The following GLIS3 variants were observed in gnomAD, a reference collection of about 807,000 sequenced individuals.
GLIS3 encodes zinc finger protein GLIS3.
GLIS3 carries 53 observed loss-of-function variants against 78.6 expected under a neutral mutation model. The observed-to-expected ratio is 0.67, with a 90% CI of 0.54 to 0.85. The LOEUF (loss-of-function observed/expected upper bound fraction) is 0.85, where lower values mean the gene tolerates loss of function less well. Among genes scored for constraint, GLIS3 ranks in the 40% least tolerant of loss-of-function variants. GLIS3 has a pLI of 0.00. For synonymous variants in GLIS3, 684 were observed against 509.9 expected (o/e 1.34, Z -4.60); for missense variants, 1,703 against 1,231.1 (o/e 1.38, Z -5.74).
chr9:3,862,576 T>C (rs1219312144), intron 8 of GLIS3, among the ~76,000 whole-genome samples: 3 of 152,230 alleles, frequency 2.0e-5, no homozygotes, highest in African/African-American at 7.2e-5. Context: ...AAGCATGTCA[T>C]AAATATTTCT....
chr9:3,856,880 G>A (rs1819830107), intron 8 of GLIS3, among the ~76,000 whole-genome samples: 2 of 152,228 alleles, frequency 1.3e-5, no homozygotes, highest in South Asian at 2.1e-4. Flanking sequence ...TTCTGGGGTG[G>A]GGGACATGTT....
chr9:3,868,449 G>A (rs954009839), intron 8 of GLIS3, among the ~76,000 whole-genome samples: 1 of 152,030 alleles, frequency 6.6e-6, no homozygotes, highest in African/African-American at 2.4e-5. Context: ...AATTGCTTAG[G>A]GACAAAACTG....
At position 4,279,294 on chromosome 9, in the gene GLIS3, T is replaced by A. The variant is rs1453511079; in HGVS notation, c.388+6744A>T. Among the ~76,000 whole-genome samples the A allele has an allele frequency of 4.3e-4, 7 of 16,420 alleles. No individual in the cohort carries two copies. The Admixed American group carries it at 9.7e-3, about 23-fold the overall frequency. 10.8% of individuals were successfully genotyped at this position (16,420 alleles called of 152,430 possible). On this transcript the variant is annotated intron_variant, in intron 2 of 10. Transcript: ENST00000381971. ...GCCTGGGCAACAGAGCAAGACTCCA[T>A]CTCAAAAAAAAAAAAAAAAAATATA...
At chr9:4,234,762 AT>A (rs1822562501) in intron 2 of GLIS3, among the ~76,000 whole-genome samples, 1 of 152,216 alleles carries the variant, frequency 6.6e-6, no homozygotes, top group Non-Finnish European at 1.5e-5. Flanking sequence ...GCAAAATAAA[AT>A]GAGGTATGCT....
chr9:4,088,594 C>G (rs957260994), intron 4 of GLIS3, among the ~76,000 whole-genome samples: 2 of 152,156 alleles, frequency 1.3e-5, no homozygotes, highest in African/African-American at 4.8e-5. Context: ...TGGCTAATCC[C>G]CATTGTAGAT....
intron 3 of GLIS3, among the ~76,000 whole-genome samples, chr9:4,124,769 T>A (rs1832445749): frequency 6.6e-6 from 1 of 152,160 alleles, no homozygotes; most frequent in Admixed American, 6.5e-5. Flanking sequence ...ACCTCAGAAC[T>A]GCAAGGCACA....
At chr9:4,448,428 G>C in the GLIS3 span, among the ~76,000 whole-genome samples, 12 of 152,346 alleles carry the variant, frequency 7.9e-5, no homozygotes, top group Admixed American at 5.9e-4. Context: ...TGATGGCAGA[G>C]AAGTTGAGCC....
intron 2 of GLIS3, among the ~76,000 whole-genome samples, chr9:4,275,239 T>C (rs536316601): frequency 8.7e-4 from 133 of 152,290 alleles, no homozygotes; most frequent in African/African-American, 3.0e-3. Context: ...GGGCCAACTG[T>C]TGAAAAAAGT....
intron 4 of GLIS3, among the ~76,000 whole-genome samples, chr9:4,062,210 C>T (rs1161975480): frequency 6.6e-6 from 1 of 152,230 alleles, no homozygotes; most frequent in Non-Finnish European, 1.5e-5. Flanking sequence ...TACATTACCC[C>T]TGTGCCTTAG....
At chr9:4,423,530 G>A in the GLIS3 span, among the ~76,000 whole-genome samples, 3 of 151,974 alleles carry the variant, frequency 2.0e-5, no homozygotes, top group African/African-American at 7.3e-5. Flanking sequence ...CAGCCTACAG[G>A]ACATCACTTA....
At chr9:4,253,173 G>GCTCTTAAAC (rs1563836543) in intron 2 of GLIS3, among the ~76,000 whole-genome samples, 1 of 152,210 alleles carries the variant, frequency 6.6e-6, no homozygotes, top group Non-Finnish European at 1.5e-5. Flanking sequence ...CTTCAGAGCC[G>GCTCTTAAAC]GCAGGCAGGA....
intron 4 of GLIS3, among the ~76,000 whole-genome samples, chr9:4,114,476 A>G (rs552656): frequency 0.77 from 116,654 of 152,060 alleles, 44,854 homozygotes; most frequent in East Asian, 0.85. Context: ...ACCATCTCAG[A>G]AAAACTTAAT....
At chr9:4,162,350 G>A (rs1285094508) in intron 2 of GLIS3, among the ~76,000 whole-genome samples, 1 of 152,040 alleles carries the variant, frequency 6.6e-6, no homozygotes, top group Non-Finnish European at 1.5e-5. Context: ...GTTCCAGGTG[G>A]GCATTAATTT....
Position 4,078,083 on chromosome 9 carries a change from C to A in GLIS3, c.1710+39685G>T, listed in dbSNP as rs145476738. 6.9e-3 allele frequency among the ~76,000 whole-genome samples: 1,056 copies of A among 152,172 alleles called. 7 individuals are homozygous for A. Among genetic ancestry groups the A allele is most frequent in the Middle Eastern group, 0.031 (9 of 294 alleles). On this transcript the variant is annotated intron_variant, in intron 4 of 10. Transcript: ENST00000381971. Reference sequence around the variant, plus strand: ...TTCATTGGACCCTGAATGATATGGTCCCCCATTGCTGGAGCTAAGTAAATT... The same window carrying A: ...TTCATTGGACCCTGAATGATATGGTACCCCATTGCTGGAGCTAAGTAAATT...
chr9:4,141,590 C>A (rs1467222811), intron 2 of GLIS3, among the ~76,000 whole-genome samples: 1 of 152,182 alleles, frequency 6.6e-6, no homozygotes, highest in Non-Finnish European at 1.5e-5. Flanking sequence ...TTAAATTTCC[C>A]ACTAATGAGT....
the GLIS3 span, among the ~76,000 whole-genome samples, chr9:4,365,410 A>G: frequency 0.023 from 3,536 of 152,096 alleles, 148 homozygotes; most frequent in African/African-American, 0.082. Flanking sequence ...ATAAAAAATT[A>G]GCCTGGCATG....
At chr9:4,097,575 A>G (rs750221889) in intron 4 of GLIS3, among the ~76,000 whole-genome samples, 28 of 152,188 alleles carry the variant, frequency 1.8e-4, no homozygotes, top group Non-Finnish European at 3.5e-4. Context: ...TTTATGGGTA[A>G]TTCAATGCAA....
chr9:4,407,507 C>T, the GLIS3 span, among the ~76,000 whole-genome samples: 34 of 152,062 alleles, frequency 2.2e-4, no homozygotes, highest in Non-Finnish European at 4.6e-4. Flanking sequence ...ATTAGCCGGG[C>T]GTGGTGGCGG....
the GLIS3 span, among the ~76,000 whole-genome samples, chr9:4,369,261 T>A: frequency 3.3e-5 from 5 of 152,118 alleles, no homozygotes; most frequent in African/African-American, 1.2e-4. Flanking sequence ...GTTTTAAGAA[T>A]CCCAGGAAGG....
Sources: allele counts gnomAD v4.1 joint callset (sites outside exome capture counted in the v4.1 genomes callset), GRCh38; gene constraint gnomAD v4.1.1; transcripts MANE v1.5; gene names NCBI Gene and HGNC (gene_info 2026-07-23, HGNC 2026-07-21).